TAFA1: variants seen among roughly 807,000 people sequenced by gnomAD.
TAFA1 encodes the protein chemokine-like protein TAFA-1.
A neutral mutation model predicts 18.5 loss-of-function variants in TAFA1; 4 were observed. The observed-to-expected ratio is 0.22, with a 90% CI of 0.11 to 0.49. The LOEUF is 0.49. Ranked by LOEUF, TAFA1 falls within the 20% of genes least tolerant of loss-of-function variation. TAFA1 has a pLI of 0.98. For missense variants in TAFA1, 147 were observed against 169.0 expected (o/e 0.87, Z 0.72); for synonymous variants, 56 against 55.2 (o/e 1.01, Z -0.06).
At chr3:68,521,856 G>GGTTTTTTT (rs2073029475) in intron 3 of TAFA1, among the ~76,000 whole-genome samples, 2 of 70,848 alleles carry the variant, frequency 2.8e-5, no homozygotes, top group Non-Finnish European at 4.9e-5. Flanking sequence ...GTTTTTTTCT[G>GGTTTTTTT]TTTTTTTTTT....
intron 2 of TAFA1, among the ~76,000 whole-genome samples, chr3:68,395,893 A>G (rs929055045): frequency 2.6e-5 from 4 of 152,092 alleles, no homozygotes; most frequent in Admixed American, 2.0e-4. Flanking sequence ...ACCATGGCAC[A>G]TGTATACCTA....
intron 2 of TAFA1, among the ~76,000 whole-genome samples, chr3:68,267,740 A>G (rs2067576394): frequency 1.3e-5 from 2 of 152,176 alleles, no homozygotes; most frequent in South Asian, 2.1e-4. Flanking sequence ...GCATGTTTTA[A>G]CTTTTCAAGT....
intron 3 of TAFA1, among the ~76,000 whole-genome samples, chr3:68,448,979 G>T (rs1482376665): frequency 6.6e-6 from 1 of 152,154 alleles, no homozygotes; most frequent in Non-Finnish European, 1.5e-5. Context: ...TGTTACTCAG[G>T]TTTCATTAGT....
chr3:68,170,806 A>C (rs1006132514), intron 2 of TAFA1, among the ~76,000 whole-genome samples: 1 of 152,030 alleles, frequency 6.6e-6, no homozygotes, highest in African/African-American at 2.4e-5. Context: ...CCTGATCACT[A>C]AGCCAGTTAA....
intron 2 of TAFA1, among the ~76,000 whole-genome samples, chr3:68,359,360 G>A (rs1309515425): frequency 6.6e-6 from 1 of 151,956 alleles, no homozygotes; most frequent in Non-Finnish European, 1.5e-5. Flanking sequence ...AAGGCAAAAG[G>A]AAAATTAAGG....
chr3:68,452,857 A>C (rs1170133454), intron 3 of TAFA1, among the ~76,000 whole-genome samples: 1 of 152,190 alleles, frequency 6.6e-6, no homozygotes, highest in Admixed American at 6.5e-5. Context: ...AGGCATTTTT[A>C]CTGAAAGTAC....
intron 3 of TAFA1, among the ~76,000 whole-genome samples, chr3:68,523,851 C>T (rs1463471450): frequency 6.6e-6 from 1 of 152,040 alleles, no homozygotes; most frequent in East Asian, 1.9e-4. Flanking sequence ...GCAGAATACC[C>T]AACATTTTAT....
At chr3:68,267,086 G>A (rs1471778187) in intron 2 of TAFA1, among the ~76,000 whole-genome samples, 3 of 152,102 alleles carry the variant, frequency 2.0e-5, no homozygotes, top group Admixed American at 2.0e-4. Flanking sequence ...AGAGAAAGCT[G>A]AGTTTCTCCT....
intron 2 of TAFA1, among the ~76,000 whole-genome samples, chr3:68,089,423 T>C (rs2065007002): frequency 6.6e-6 from 1 of 152,202 alleles, no homozygotes; most frequent in Admixed American, 6.5e-5. Context: ...AGATTGGTGA[T>C]TAATTAGTTA....
intron 2 of TAFA1, among the ~76,000 whole-genome samples, chr3:68,075,642 G>A (rs1326123733): frequency 4.0e-5 from 6 of 151,292 alleles, no homozygotes; most frequent in Non-Finnish European, 8.8e-5. Context: ...TGAAGCCAAT[G>A]TCAAATGTCA....
chr3:68,479,494 G>GT (rs2072185894), intron 3 of TAFA1, among the ~76,000 whole-genome samples: 1 of 151,912 alleles, frequency 6.6e-6, no homozygotes, highest in Admixed American at 6.6e-5. Flanking sequence ...GGCTACATGA[G>GT]TTTACATTAT....
chr3:68,315,974 G>A (rs1330662364), intron 2 of TAFA1, among the ~76,000 whole-genome samples: 1 of 152,184 alleles, frequency 6.6e-6, no homozygotes, highest in East Asian at 1.9e-4. Flanking sequence ...AATGAAGAAA[G>A]AAGAAAGCAG....
intron 2 of TAFA1, among the ~76,000 whole-genome samples, chr3:68,403,523 A>G (rs542600389): frequency 1.3e-5 from 2 of 152,240 alleles, no homozygotes; most frequent in African/African-American, 2.4e-5. Flanking sequence ...TTTATGATCC[A>G]CAAGCTAAAA....
chr3:68,259,296 C>A (rs1326681108), intron 2 of TAFA1, among the ~76,000 whole-genome samples: 1 of 152,162 alleles, frequency 6.6e-6, no homozygotes, highest in Non-Finnish European at 1.5e-5. Context: ...TTGTGGAACT[C>A]CACAAATTAG....
intron 2 of TAFA1, among the ~76,000 whole-genome samples, chr3:68,183,493 A>G (rs1170767856): frequency 6.6e-6 from 1 of 152,146 alleles, no homozygotes; most frequent in African/African-American, 2.4e-5. Context: ...GACAAAGTAT[A>G]TTTTTGATGC....
chr3:68,093,130 C>T (rs1389295592), intron 2 of TAFA1, among the ~76,000 whole-genome samples: 1 of 152,098 alleles, frequency 6.6e-6, no homozygotes, highest in African/African-American at 2.4e-5. Context: ...TTCGTGTACT[C>T]TCAGTGTTGG....
intron 2 of TAFA1, among the ~76,000 whole-genome samples, chr3:68,246,063 C>T (rs1258856384): frequency 1.3e-5 from 2 of 152,090 alleles, no homozygotes; most frequent in African/African-American, 2.4e-5. Flanking sequence ...CGACGATGTC[C>T]GGTACCATCC....
At chr3:68,329,545 C>A (rs547033263) in intron 2 of TAFA1, among the ~76,000 whole-genome samples, 7 of 152,118 alleles carry the variant, frequency 4.6e-5, no homozygotes, top group African/African-American at 1.7e-4. Flanking sequence ...AGTTCAGAGG[C>A]CACAGTTCTT....
intron 2 of TAFA1, among the ~76,000 whole-genome samples, chr3:68,059,930 C>A (rs1439262662): frequency 6.6e-6 from 1 of 152,040 alleles, no homozygotes; most frequent in African/African-American, 2.4e-5. Context: ...GCTGGGGAGC[C>A]CCCGCAGGCT....
Sources: allele counts gnomAD v4.1 joint callset (sites outside exome capture counted in the v4.1 genomes callset), GRCh38; gene constraint gnomAD v4.1.1; transcripts MANE v1.5; gene names NCBI Gene and HGNC (gene_info 2026-07-23, HGNC 2026-07-21).